PROS1: variants seen among roughly 807,000 people sequenced by gnomAD.
PROS1 encodes the protein vitamin K-dependent protein S.
A neutral mutation model predicts 75.9 loss-of-function variants in PROS1; 29 were observed. The ratio of observed to expected loss-of-function variants is 0.38; its 90% CI spans 0.28 to 0.52. PROS1 has a LOEUF of 0.52. Among genes scored for constraint, PROS1 ranks in the 20% least tolerant of loss-of-function variants. The pLI is 0.83. For synonymous variants in PROS1, 245 were observed against 280.6 expected (o/e 0.87, Z 1.27); for missense variants, 680 against 810.3 (o/e 0.84, Z 1.95).
chr3:93,941,347 C>T (rs1191316783), intron 1 of PROS1, among the ~76,000 whole-genome samples: 1 of 152,144 alleles, frequency 6.6e-6, no homozygotes, highest in Admixed American at 6.6e-5. Flanking sequence ...CCTAACTTGG[C>T]ATAGTTCTTC....
At chr3:93,929,109 C>T (rs1385754652) in intron 1 of PROS1, among the ~76,000 whole-genome samples, 1 of 152,058 alleles carries the variant, frequency 6.6e-6, no homozygotes, top group African/African-American at 2.4e-5. Flanking sequence ...TGCCCATGTG[C>T]TGGAAAAAAT....
At chr3:93,948,823 T>C (rs553415208) in intron 1 of PROS1, among the ~76,000 whole-genome samples, 3 of 152,344 alleles carry the variant, frequency 2.0e-5, no homozygotes, top group Admixed American at 6.5e-5. Context: ...AAAGATACCT[T>C]CCATGACTTC....
chr3:93,954,723 A>G (rs976604498), intron 1 of PROS1, among the ~76,000 whole-genome samples: 3 of 152,242 alleles, frequency 2.0e-5, no homozygotes, highest in African/African-American at 7.2e-5. Flanking sequence ...AAAATTGACA[A>G]ATGGGATCTA....
At position 93,900,868 on chromosome 3, in the gene PROS1, T is replaced by C; in HGVS notation, c.663A>G (p.Pro221=). The change falls in exon 7 of 15, where the codon CCA becomes CCG. Residue 221 remains proline (P), a synonymous_variant. Transcript: ENST00000394236. ...ICGTAVCKNI[P]GDFECECPEG... ...CGGGGCATTCACATTCAAAATCTCC[T>C]GGGATGTTCTTGCACACAGCTGTGC... 1.2e-6 allele frequency: 2 copies of C among 1,614,120 alleles called. No homozygotes were observed. Among genetic ancestry groups the C allele is most frequent in the Non-Finnish European group, 1.7e-6 (2 of 1,180,006 alleles).
Position 93,873,135 on chromosome 3 carries a change from TA to T in PROS1, c.*1109del, listed in dbSNP as rs1455438364. On this transcript the variant is annotated 3_prime_UTR_variant, in exon 15 of 15. Coordinates refer to ENST00000394236, the MANE Select transcript of PROS1 (RefSeq NM_000313.4). Reference sequence around the variant, plus strand: ...TTTAAAATTATACACCGATTTATTATAAGTGATATAAAATACAGTGAAAAGA... The same window carrying T: ...TTTAAAATTATACACCGATTTATTATAGTGATATAAAATACAGTGAAAAGA... 3.3e-5 allele frequency: 5 copies of T among 152,246 alleles called. No individual in the cohort carries two copies. Among genetic ancestry groups the T allele is most frequent in the Admixed American group, 1.3e-4 (2 of 15,284 alleles). The allele number at this position is 152,246 out of a possible 1,614,324, so 9.4% of individuals were successfully genotyped here.
chr3:93,910,622 T>C lies in PROS1; in HGVS notation c.343A>G (p.Asn115Asp). Residue 115 changes from asparagine (N) to aspartate (D), a missense_variant, in exon 4 of 15, where the codon AAT becomes GAT. Coordinates refer to ENST00000394236, the MANE Select transcript of PROS1 (RefSeq NM_000313.4). ...AATTGATGGTAGAAGTGCTTACCAT[T>C]GACACAGCTTCTTAGGTCAGGATAA... is the stretch of plus-strand genomic sequence containing the variant. ...NAYPDLRSCV[N>D]AIPDQCSPLP... 1 of 1,610,966 alleles carries C rather than the reference T, an allele frequency of 6.2e-7. No homozygotes were observed. The highest frequency in any genetic ancestry group is 1.1e-5 in the South Asian group (1 of 90,926).
intron 12 of PROS1, among the ~76,000 whole-genome samples, chr3:93,883,448 G>A (rs1309007035): frequency 6.6e-6 from 1 of 151,928 alleles, no homozygotes; most frequent in Non-Finnish European, 1.5e-5. Flanking sequence ...ACAAAAATTA[G>A]CAGGGCATGG....
intron 10 of PROS1, among the ~76,000 whole-genome samples, chr3:93,889,479 C>A (rs1415980444): frequency 6.6e-6 from 1 of 152,146 alleles, no homozygotes; most frequent in Non-Finnish European, 1.5e-5. Context: ...AAATTCACCA[C>A]GTTTGCCCAA....
intron 1 of PROS1, among the ~76,000 whole-genome samples, chr3:93,962,038 C>G (rs530866617): frequency 2.0e-5 from 3 of 152,074 alleles, no homozygotes; most frequent in Non-Finnish European, 2.9e-5. Context: ...TTGGAGAAAC[C>G]ACTGGAATTT....
At chr3:93,942,603 C>T (rs192751445) in intron 1 of PROS1, among the ~76,000 whole-genome samples, 4 of 152,296 alleles carry the variant, frequency 2.6e-5, no homozygotes, top group East Asian at 1.9e-4. Flanking sequence ...CCCACTGAAA[C>T]GTTCACCTAT....
chr3:93,902,310 T>TAATAA lies in PROS1; in HGVS notation c.602-1386_602-1382dup, dbSNP rs1166223667. Among the ~76,000 whole-genome samples the TAATAA allele has an allele frequency of 3.9e-5, 6 of 152,014 alleles. No individual in the cohort carries two copies. In the East Asian group the frequency reaches 7.7e-4, roughly 20 times the overall value. ...GAGACCCTGTCACTAAATAAATAAA[T>TAATAA]AATAAAATAAAATAAAATCAGTAAA... On this transcript the variant is annotated intron_variant, in intron 6 of 14. Transcript: ENST00000394236.
At chr3:93,964,582 A>C (rs191984484) in intron 1 of PROS1, among the ~76,000 whole-genome samples, 1 of 152,276 alleles carries the variant, frequency 6.6e-6, no homozygotes, top group East Asian at 1.9e-4. Flanking sequence ...GATGTTTATC[A>C]AGACAATATG....
At chr3:93,951,425 A>G (rs1709493388) in intron 1 of PROS1, among the ~76,000 whole-genome samples, 1 of 152,234 alleles carries the variant, frequency 6.6e-6, no homozygotes, top group Non-Finnish European at 1.5e-5. Flanking sequence ...GCCAGAAGAG[A>G]GTAGGGGCCA....
intron 8 of PROS1, among the ~76,000 whole-genome samples, chr3:93,896,971 G>A (rs180971993): frequency 1.8e-4 from 28 of 151,892 alleles, no homozygotes; most frequent in Middle Eastern, 3.4e-3. Context: ...GCAAATTTTC[G>A]TCCTAAACAC....
chr3:93,913,612 G>T (rs1375453127), intron 3 of PROS1, among the ~76,000 whole-genome samples: 1 of 152,188 alleles, frequency 6.6e-6, no homozygotes, highest in Non-Finnish European at 1.5e-5. Context: ...CTTCCGCCAT[G>T]ATTCTAAGTT....
intron 1 of PROS1, among the ~76,000 whole-genome samples, chr3:93,959,864 C>T (rs557224800): frequency 3.1e-4 from 47 of 152,270 alleles, no homozygotes; most frequent in African/African-American, 1.1e-3. Context: ...CATATTTTTT[C>T]GTTCTGCTAC....
chr3:93,922,043 C>T (rs1235639679), intron 3 of PROS1, among the ~76,000 whole-genome samples: 1 of 152,102 alleles, frequency 6.6e-6, no homozygotes, highest in Non-Finnish European at 1.5e-5. Flanking sequence ...AACCCAATCC[C>T]CCACCACACA....
intron 12 of PROS1, among the ~76,000 whole-genome samples, chr3:93,880,008 T>A (rs938554620): frequency 3.3e-5 from 5 of 152,230 alleles, no homozygotes; most frequent in African/African-American, 1.2e-4. Context: ...TCCAGAATAG[T>A]TGGATTACTA....
At chr3:93,878,024 T>G (rs1451365337) in intron 13 of PROS1, among the ~76,000 whole-genome samples, 5 of 152,172 alleles carry the variant, frequency 3.3e-5, no homozygotes, top group Non-Finnish European at 1.5e-5. Flanking sequence ...TCCAAAATGA[T>G]CAATGATATC....
Sources: allele counts gnomAD v4.1 joint callset (sites outside exome capture counted in the v4.1 genomes callset), GRCh38; gene constraint gnomAD v4.1.1; transcripts MANE v1.5; gene names NCBI Gene and HGNC (gene_info 2026-07-23, HGNC 2026-07-21).